SPON1: variants seen among roughly 807,000 people sequenced by gnomAD.
The protein encoded by SPON1 is spondin 1, also known as spondin-1.
In SPON1, 52 loss-of-function variants were observed where a neutral mutation model predicts 111.7. The observed-to-expected ratio is 0.47, with a 90% CI of 0.37 to 0.59. The LOEUF (loss-of-function observed/expected upper bound fraction) is 0.59, where lower values mean the gene tolerates loss of function less well. Ranked by LOEUF, SPON1 falls within the 20% of genes least tolerant of loss-of-function variation. The probability of loss-of-function intolerance (pLI) is 0.00; values close to 1 mark genes in which losing one functional copy is unlikely to be tolerated. For missense variants in SPON1, 957 were observed against 1,068.5 expected (o/e 0.90, Z 1.46); for synonymous variants, 410 against 395.8 (o/e 1.04, Z -0.43).
intron 10 of SPON1, among the ~76,000 whole-genome samples, chr11:14,257,343 A>G (rs1381149953): frequency 6.6e-6 from 1 of 152,234 alleles, no homozygotes; most frequent in African/African-American, 2.4e-5. Context: ...ACAACTGTGT[A>G]TGGGATCATT....
chr11:14,216,130 C>G (rs565456499), intron 6 of SPON1, among the ~76,000 whole-genome samples: 20 of 152,290 alleles, frequency 1.3e-4, no homozygotes, highest in Admixed American at 2.0e-4. Flanking sequence ...TCACTTGGAT[C>G]TTTTTCTCCT....
intron 6 of SPON1, among the ~76,000 whole-genome samples, chr11:14,147,709 G>A (rs371864622): frequency 5.9e-5 from 9 of 151,790 alleles, no homozygotes; most frequent in East Asian, 1.9e-4. Context: ...GAGCCACCAC[G>A]GCTGGCCCAA....
chr11:14,260,752 CG>C lies in SPON1; in HGVS notation c.1996+1del, dbSNP rs1849162340. ...GGAGAAGTGCATGCTCCCTGAATGC[CG>C]TAAGTCCTGGAGCTCCTCAAGGCCC... On this transcript the variant is annotated splice_donor_variant, in intron 14 of 15. Coordinates refer to ENST00000576479, the MANE Select transcript of SPON1 (RefSeq NM_006108.4). LOFTEE classifies it high-confidence loss of function. 1 of 1,612,672 alleles carries C rather than the reference CG, an allele frequency of 6.2e-7. No homozygotes were observed. Among genetic ancestry groups the C allele is most frequent in the Admixed American group, 1.7e-5 (1 of 59,936 alleles).
chr11:13,999,416 TTTTC>T (rs552667226), intron 2 of SPON1, among the ~76,000 whole-genome samples: 2 of 149,256 alleles, frequency 1.3e-5, no homozygotes, highest in African/African-American at 5.1e-5. Flanking sequence ...TGCTGTATCA[TTTTC>T]TTTCTTTTTT....
intron 3 of SPON1, among the ~76,000 whole-genome samples, chr11:14,043,009 G>A (rs913095548): frequency 3.3e-5 from 5 of 152,096 alleles, no homozygotes; most frequent in African/African-American, 9.7e-5. Context: ...ATCTACACTG[G>A]TCATTAAGAA....
intron 6 of SPON1, among the ~76,000 whole-genome samples, chr11:14,149,743 A>G (rs1473946339): frequency 6.6e-6 from 1 of 152,226 alleles, no homozygotes; most frequent in Non-Finnish European, 1.5e-5. Context: ...TATTCAGTAC[A>G]GCCACATGCT....
intron 2 of SPON1, among the ~76,000 whole-genome samples, chr11:14,006,143 C>T (rs932448412): frequency 1.3e-5 from 2 of 152,064 alleles, no homozygotes; most frequent in African/African-American, 4.8e-5. Context: ...GAAAAGTGAG[C>T]TATAATCTGG....
At chr11:14,244,876 G>A (rs928533553) in intron 7 of SPON1, among the ~76,000 whole-genome samples, 2 of 152,174 alleles carry the variant, frequency 1.3e-5, no homozygotes, top group Non-Finnish European at 2.9e-5. Flanking sequence ...AACACACGTC[G>A]GGGTTCATCT....
intron 6 of SPON1, among the ~76,000 whole-genome samples, chr11:14,146,167 T>TTTTTTA (rs1847716042): frequency 1.3e-5 from 2 of 151,100 alleles, no homozygotes; most frequent in East Asian, 1.9e-4. Flanking sequence ...TTTTTTTTTT[T>TTTTTTA]GAGACAGAGT....
chr11:14,107,211 C>T (rs1849191415), intron 5 of SPON1, among the ~76,000 whole-genome samples: 1 of 152,110 alleles, frequency 6.6e-6, no homozygotes, highest in African/African-American at 2.4e-5. Context: ...TTAGTGTTTA[C>T]AGATGTGAGT....
chr11:14,116,215 T>A (rs374130518), intron 5 of SPON1, among the ~76,000 whole-genome samples: 5 of 152,182 alleles, frequency 3.3e-5, no homozygotes, highest in African/African-American at 4.8e-5. Context: ...TTCTAATCTT[T>A]TGGTAAATAG....
intron 6 of SPON1, among the ~76,000 whole-genome samples, chr11:14,162,115 G>A (rs1554931432): frequency 6.8e-6 from 1 of 146,064 alleles, no homozygotes; most frequent in Non-Finnish European, 1.5e-5. Flanking sequence ...CTGAGATAGT[G>A]CCACTGCACA....
chr11:14,000,326 A>G (rs370861333), intron 2 of SPON1, among the ~76,000 whole-genome samples: 2 of 152,136 alleles, frequency 1.3e-5, no homozygotes, highest in Non-Finnish European at 2.9e-5. Flanking sequence ...ACCATATTTT[A>G]TAAAGCAATA....
At chr11:13,991,101 T>C (rs1255556487) in intron 2 of SPON1, among the ~76,000 whole-genome samples, 1 of 152,224 alleles carries the variant, frequency 6.6e-6, no homozygotes, top group African/African-American at 2.4e-5. Flanking sequence ...CTGTATTTCC[T>C]GAATTTGAAT....
intron 2 of SPON1, among the ~76,000 whole-genome samples, chr11:14,035,892 A>G (rs1038474687): frequency 1.3e-5 from 2 of 152,206 alleles, no homozygotes; most frequent in Non-Finnish European, 2.9e-5. Context: ...TGCTGGGGTT[A>G]CAGGCATGAG....
At position 14,160,993 on chromosome 11, in the gene SPON1, TTTTATATA is replaced by T. The variant is rs1283579521; in HGVS notation, c.825+25443_825+25450del. ...TATATTTTTATATATTTATATATAT[TTTTATATA>T]TTTATATATTTATATATCTATATAT... On this transcript the variant is annotated intron_variant, in intron 6 of 15. Transcript: ENST00000576479. 5.6e-3 allele frequency among the ~76,000 whole-genome samples: 252 copies of T among 45,338 alleles called. 24 individuals are homozygous for T. Among genetic ancestry groups the T allele is most frequent in the African/African-American group, 0.013 (158 of 11,952 alleles). 29.7% of individuals were successfully genotyped at this position (45,338 alleles called of 152,430 possible).
At chr11:14,040,861 C>T (rs1848626247) in intron 2 of SPON1, among the ~76,000 whole-genome samples, 1 of 151,918 alleles carries the variant, frequency 6.6e-6, no homozygotes, top group African/African-American at 2.4e-5. Context: ...TACTATAGTT[C>T]TGCAAGAGGG....
At chr11:14,188,904 A>G (rs1476975853) in intron 6 of SPON1, among the ~76,000 whole-genome samples, 1 of 152,266 alleles carries the variant, frequency 6.6e-6, no homozygotes, top group Non-Finnish European at 1.5e-5. Flanking sequence ...TTTCTTAGCC[A>G]AACATCTCAT....
chr11:14,012,141 A>T (rs73420254), intron 2 of SPON1, among the ~76,000 whole-genome samples: 1 of 152,130 alleles, frequency 6.6e-6, no homozygotes, highest in South Asian at 2.1e-4. Context: ...TTGACACTTT[A>T]TCTCCTCTTT....
Sources: allele counts gnomAD v4.1 joint callset (sites outside exome capture counted in the v4.1 genomes callset), GRCh38; gene constraint gnomAD v4.1.1; transcripts MANE v1.5; gene names NCBI Gene and HGNC (gene_info 2026-07-23, HGNC 2026-07-21).